ZBTB16: variants seen among roughly 807,000 people sequenced by gnomAD.
ZBTB16 encodes the protein zinc finger and BTB domain containing 16, also known as zinc finger and BTB domain-containing protein 16.
ZBTB16 carries 8 observed loss-of-function variants against 56.8 expected under a neutral mutation model. The observed-to-expected ratio is 0.14, with a 90% CI of 0.08 to 0.25. The LOEUF (loss-of-function observed/expected upper bound fraction) is 0.25. Ranked by LOEUF, ZBTB16 falls within the 10% of genes least tolerant of loss-of-function variation. The pLI is 1.00. For synonymous variants in ZBTB16, 363 were observed against 368.5 expected (o/e 0.98, Z 0.17); for missense variants, 625 against 903.0 (o/e 0.69, Z 3.95).
chr11:114,116,790 C>A (rs76875651), intron 2 of ZBTB16, among the ~76,000 whole-genome samples: 2,919 of 152,256 alleles, frequency 0.019, 89 homozygotes, highest in African/African-American at 0.067. Flanking sequence ...GGGGAATGAT[C>A]ACATCTGACT....
intron 3 of ZBTB16, among the ~76,000 whole-genome samples, chr11:114,158,231 C>A (rs533796964): frequency 4.6e-5 from 7 of 152,294 alleles, no homozygotes; most frequent in African/African-American, 1.7e-4. Context: ...CTGGGCACTT[C>A]TGGGGCAGTG....
intron 4 of ZBTB16, among the ~76,000 whole-genome samples, chr11:114,206,356 G>C (rs677504): frequency 0.77 from 116,816 of 152,002 alleles, 45,086 homozygotes; most frequent in East Asian, 0.8. Flanking sequence ...GCTAGAGAGA[G>C]ACACTGTGGG....
intron 4 of ZBTB16, chr11:114,188,891 T>C (rs1245117892): frequency 6.6e-6 from 1 of 152,220 alleles, no homozygotes; most frequent in African/African-American, 2.4e-5. Flanking sequence ...GAAGGTGGTA[T>C]CTGGGCAGAG....
intron 3 of ZBTB16, among the ~76,000 whole-genome samples, chr11:114,158,407 C>G (rs1942483514): frequency 6.6e-6 from 1 of 152,134 alleles, no homozygotes; most frequent in African/African-American, 2.4e-5. Flanking sequence ...CCCATTCTGT[C>G]TACTTGGAAT....
intron 2 of ZBTB16, among the ~76,000 whole-genome samples, chr11:114,153,477 C>T (rs11214882): frequency 0.21 from 32,565 of 152,202 alleles, 5,582 homozygotes; most frequent in African/African-American, 0.48. Flanking sequence ...ATCCGGGTCT[C>T]TGAAGGCAGC....
intron 2 of ZBTB16, among the ~76,000 whole-genome samples, chr11:114,139,557 C>A (rs775731431): frequency 4.6e-5 from 7 of 152,074 alleles, no homozygotes; most frequent in South Asian, 2.1e-4. Flanking sequence ...CTTCTCCCCC[C>A]CCAAAGACCA....
At chr11:114,125,519 T>G (rs1941480798) in intron 2 of ZBTB16, among the ~76,000 whole-genome samples, 1 of 152,116 alleles carries the variant, frequency 6.6e-6, no homozygotes, top group Non-Finnish European at 1.5e-5. Flanking sequence ...AAATTCCACA[T>G]GATGTCATTC....
intron 3 of ZBTB16, among the ~76,000 whole-genome samples, chr11:114,177,030 G>A (rs899546540): frequency 6.6e-6 from 1 of 152,170 alleles, no homozygotes; most frequent in Non-Finnish European, 1.5e-5. Context: ...AATACTATGG[G>A]CTGCATACCC....
At chr11:114,091,835 C>A (rs1258361691) in intron 2 of ZBTB16, among the ~76,000 whole-genome samples, 2 of 152,088 alleles carry the variant, frequency 1.3e-5, no homozygotes, top group Non-Finnish European at 2.9e-5. Flanking sequence ...TCCCCTCCCC[C>A]TCTCCTAAGC....
intron 4 of ZBTB16, among the ~76,000 whole-genome samples, chr11:114,215,156 T>C (rs1944071366): frequency 6.6e-6 from 1 of 152,212 alleles, no homozygotes; most frequent in African/African-American, 2.4e-5. Context: ...AAGTGGTGAA[T>C]CTAATTTTAC....
chr11:114,063,236 A>G lies in ZBTB16; in HGVS notation c.-65A>G. On this transcript the variant is annotated 5_prime_UTR_variant, in exon 2 of 7. Transcript: ENST00000335953. This position sits in a 1 kb window ranked among gnomAD's most constrained non-coding sequence, Gnocchi z 6.5. Reference sequence around the variant, plus strand: ...CCTCCTCTATTGGCCCAGGAAGCCCACCCAGCCCCGCCACGCAGAGCCCAG... The same window carrying G: ...CCTCCTCTATTGGCCCAGGAAGCCCGCCCAGCCCCGCCACGCAGAGCCCAG... The G allele has an allele frequency of 2.5e-6, 4 of 1,585,872 alleles. No individual in the cohort carries two copies. The East Asian group carries it at 6.8e-5, about 27-fold the overall frequency.
At chr11:114,133,731 A>G (rs759473390) in intron 2 of ZBTB16, among the ~76,000 whole-genome samples, 26 of 152,164 alleles carry the variant, frequency 1.7e-4, no homozygotes, top group Admixed American at 8.5e-4. Flanking sequence ...GTCAGCATCC[A>G]TGGAAATTGC....
At chr11:114,111,661 G>A (rs1057139260) in intron 2 of ZBTB16, among the ~76,000 whole-genome samples, 5 of 152,148 alleles carry the variant, frequency 3.3e-5, no homozygotes, top group Non-Finnish European at 7.3e-5. Context: ...TCCTATGAAG[G>A]GCTGAGAGTT....
intron 4 of ZBTB16, among the ~76,000 whole-genome samples, chr11:114,233,066 T>TGC (rs71063553): frequency 0.018 from 1,733 of 94,014 alleles, 31 homozygotes; most frequent in Non-Finnish European, 0.021. Context: ...CACATACGCA[T>TGC]GCGCGCGCGC....
At chr11:114,091,076 C>G (rs1281931489) in intron 2 of ZBTB16, among the ~76,000 whole-genome samples, 1 of 152,126 alleles carries the variant, frequency 6.6e-6, no homozygotes, top group Non-Finnish European at 1.5e-5. Context: ...TAGTAAAGAC[C>G]CTTTCAGCTG....
At chr11:114,242,060 G>A in intron 4 of ZBTB16, 107 bp from the exon 5 acceptor site, 1 of 1,452,712 alleles carries the variant, frequency 6.9e-7, no homozygotes, top group Admixed American at 1.8e-5. Flanking sequence ...CCCTGAGCAT[G>A]GGGATTTGGA....
At position 114,256,228 on chromosome 11, in the gene ZBTB16, G is replaced by A. The variant is rs1013210687; in HGVS notation, c.*5673G>A. On this transcript the variant is annotated 3_prime_UTR_variant, in exon 7 of 7. Coordinates refer to ENST00000335953, the MANE Select transcript of ZBTB16 (RefSeq NM_006006.6). ...TTTTTAGTTAAAAAATGTTAAATAC[G>A]TTAATATCGTATGATCCTTGGTACA... 5.3e-5 allele frequency among the ~76,000 whole-genome samples: 8 copies of A among 152,078 alleles called. No homozygotes were observed. Among genetic ancestry groups the A allele is most frequent in the African/African-American group, 1.2e-4 (5 of 41,398 alleles).
chr11:114,192,640 G>T (rs589916), intron 4 of ZBTB16, among the ~76,000 whole-genome samples: 88,576 of 151,958 alleles, frequency 0.58, 26,293 homozygotes, highest in African/African-American at 0.67. Context: ...TTACAGGTGA[G>T]CTGTCATTCC....
At chr11:114,209,829 T>A (rs755754522) in intron 4 of ZBTB16, 7 of 985,310 alleles carry the variant, frequency 7.1e-6, no homozygotes, top group African/African-American at 1.7e-5. Context: ...TGATCAGAGT[T>A]CCTTCTGGCA....
Sources: gnomAD v4.1 joint callset for allele counts (sites outside exome capture counted in the v4.1 genomes callset) on GRCh38, gnomAD v4.1.1 for gene constraint, Gnocchi (gnomAD v3.1) non-coding constraint, MANE v1.5 for transcripts, NCBI Gene and HGNC (gene_info 2026-07-23, HGNC 2026-07-21) for gene names.